Variants in SUPT5H observed in about 807,000 individuals in gnomAD.
SUPT5H encodes the protein SPT5 homolog, DSIF elongation factor subunit.
A neutral mutation model predicts 142.5 loss-of-function variants in SUPT5H; 24 were observed. The ratio of observed to expected loss-of-function variants is 0.17; its 90% CI spans 0.12 to 0.24. SUPT5H has a LOEUF of 0.24. Ranked by LOEUF, SUPT5H falls within the 10% of genes least tolerant of loss-of-function variation. SUPT5H has a pLI of 1.00. For missense variants in SUPT5H, 893 were observed against 1,471.8 expected, an observed-to-expected ratio of 0.61 and a Z score of 6.43; for synonymous variants, 546 against 553.0, an observed-to-expected ratio of 0.99 and a Z score of 0.18.
intron 10 of SUPT5H, among the ~76,000 whole-genome samples, chr19:39,464,153 T>A (rs976315361): frequency 6.6e-6 from 1 of 151,564 alleles, no homozygotes; most frequent in Non-Finnish European, 1.5e-5. Flanking sequence ...CCGGCTAATC[T>A]TGGATATTTT....
In SUPT5H at chr19:39,448,957, G is replaced by A. The variant is rs143744005; in HGVS notation, c.75+2992G>A. On this transcript the variant is annotated intron_variant, in intron 2 of 29. Coordinates refer to ENST00000432763, the MANE Select transcript of SUPT5H (RefSeq NM_001111020.3). Reference sequence around the variant, plus strand: ...AAAAATACAAAAAATTAGCGTGGTGGTGGGTGCCTGTAGTCCCTGCTACTT... The same window carrying A: ...AAAAATACAAAAAATTAGCGTGGTGATGGGTGCCTGTAGTCCCTGCTACTT... 1.5e-4 allele frequency among the ~76,000 whole-genome samples: 19 copies of A among 125,240 alleles called. 4 individuals are homozygous for A. In the East Asian group the frequency reaches 5.5e-3, roughly 36 times the overall value. The allele number at this position is 125,240 out of a possible 152,430, so 82.2% of individuals were successfully genotyped here.
chr19:39,456,155 G>T (rs1363809219), intron 3 of SUPT5H, among the ~76,000 whole-genome samples: 4 of 151,610 alleles, frequency 2.6e-5, no homozygotes, highest in Non-Finnish European at 5.9e-5. Context: ...GACCTCAGGT[G>T]GTCCACCCAT....
chr19:39,456,701 A>T (rs951586192), intron 3 of SUPT5H, among the ~76,000 whole-genome samples: 1 of 152,022 alleles, frequency 6.6e-6, no homozygotes, highest in African/African-American at 2.4e-5. Context: ...TACAGGCATG[A>T]GCCACCGTGC....
chr19:39,472,404 C>A lies in SUPT5H; in HGVS notation c.1951-5C>A. ...CTGCCAGTTCACTCCTTGCTTCTATCCTAGCCCCGTGATGTGACCAACTTC... is the reference window on the plus strand; with the variant it reads ...CTGCCAGTTCACTCCTTGCTTCTATACTAGCCCCGTGATGTGACCAACTTC... On this transcript the variant is annotated splice_region_variant and splice_polypyrimidine_tract_variant and intron_variant, in intron 20 of 29. Transcript: ENST00000432763. The surrounding 1 kb of genome is among the most constrained non-coding windows in gnomAD (Gnocchi z 4.2). 6.2e-7 allele frequency: 1 copy of A among 1,613,998 alleles called. No homozygotes were observed. Among genetic ancestry groups the A allele is most frequent in the Non-Finnish European group, 8.5e-7 (1 of 1,179,932 alleles).
intron 3 of SUPT5H, among the ~76,000 whole-genome samples, chr19:39,455,776 C>CCA (rs1468642946): frequency 2.0e-5 from 3 of 150,826 alleles, no homozygotes; most frequent in Non-Finnish European, 4.4e-5. Context: ...GTGCCTGCCA[C>CCA]TACGCCCAGC....
chr19:39,463,029 G>A (rs1299853920), intron 10 of SUPT5H, among the ~76,000 whole-genome samples: 1 of 56,308 alleles, frequency 1.8e-5, no homozygotes, highest in African/African-American at 6.8e-5. Flanking sequence ...TTTTTTTTTT[G>A]GTATTTTTAG....
Position 39,468,583 on chromosome 19 carries a change from C to T in SUPT5H, c.1038-173C>T, listed in dbSNP as rs536166653. ...TGGAGGAGTGCAGGGAGGTGGGAGG[C>T]GGGCCTTTGGGGTTTGTGAGAAGTC... On this transcript the variant is annotated intron_variant, in intron 13 of 29. Coordinates refer to ENST00000432763, the MANE Select transcript of SUPT5H (RefSeq NM_001111020.3). The T allele has an allele frequency of 9.9e-4, 602 of 608,140 alleles. 1 individual carries two copies. Among genetic ancestry groups the T allele is most frequent in the Non-Finnish European group, 1.5e-3 (509 of 340,266 alleles). The allele number at this position is 608,140 out of a possible 1,614,324, so 37.7% of individuals were successfully genotyped here.
In SUPT5H at chr19:39,472,033, C is replaced by T. The variant is rs1340389478; in HGVS notation, c.1950+303C>T. Among the ~76,000 whole-genome samples the T allele has an allele frequency of 6.6e-6, 1 of 152,162 alleles. No individual in the cohort carries two copies. The highest frequency in any genetic ancestry group is 2.4e-5 in the African/African-American group (1 of 41,430). On this transcript the variant is annotated intron_variant, in intron 20 of 29. Transcript: ENST00000432763. This position sits in a 1 kb window ranked among gnomAD's most constrained non-coding sequence, Gnocchi z 4.2. ...AGCTGATACTCTAGAGGTGGACAGA[C>T]AGATAAACCCATCGTACAGCTTGAG...
chr19:39,458,325 G>T lies in SUPT5H; in HGVS notation c.319+20G>T. 7.3e-7 allele frequency: 1 copy of T among 1,377,842 alleles called. No individual in the cohort carries two copies. The allele number at this position is 1,377,842 out of a possible 1,614,324, so 85.4% of individuals were successfully genotyped here. A position where few individuals can be genotyped will look rare whatever the true frequency, so the allele number is the denominator to read the frequency against. ...TTGAAGGTAAGAATATGAAAAGTGT[G>T]ATTCCCTGACCTTCCTCCCATATCC... On this transcript the variant is annotated intron_variant, in intron 5 of 29. Transcript: ENST00000432763. The surrounding 1 kb of genome is among the most constrained non-coding windows in gnomAD (Gnocchi z 4.2).
chr19:39,456,665 G>T (rs182720529), intron 3 of SUPT5H, among the ~76,000 whole-genome samples: 10 of 151,606 alleles, frequency 6.6e-5, no homozygotes, highest in Non-Finnish European at 1.5e-5. Context: ...TGATCCACCC[G>T]CCTCGGCCTC....
chr19:39,459,672 G>A (rs534847534), intron 9 of SUPT5H, 83 bp downstream of exon 9: 8 of 1,556,428 alleles, frequency 5.1e-6, no homozygotes, highest in East Asian at 4.5e-5. Context: ...TGTCTGTCCC[G>A]GGTCTCCGTG....
rs2079118568 is a variant in SUPT5H, at chr19:39,458,331, C to T, written c.319+26C>T. The T allele has an allele frequency of 1.3e-6, 2 of 1,543,674 alleles. No homozygotes were observed. Among genetic ancestry groups the T allele is most frequent in the Non-Finnish European group, 1.8e-6 (2 of 1,132,028 alleles). On this transcript the variant is annotated intron_variant, in intron 5 of 29. Coordinates refer to ENST00000432763, the MANE Select transcript of SUPT5H (RefSeq NM_001111020.3). This position sits in a 1 kb window ranked among gnomAD's most constrained non-coding sequence, Gnocchi z 4.2. ...GTAAGAATATGAAAAGTGTGATTCC[C>T]TGACCTTCCTCCCATATCCTGACAT... is the stretch of plus-strand genomic sequence containing the variant.
In SUPT5H at chr19:39,473,422, G is replaced by A. The variant is rs2079353367; in HGVS notation, c.2393G>A (p.Arg798His). Residue 798 changes from arginine (R) to histidine (H), a missense_variant, in exon 25 of 30, where the codon CGC (arginine) becomes CAC (histidine). Physicochemically the swap from Arg to His is conservative, Grantham distance 29. This residue lies in a region of SUPT5H where 336 missense variants were observed against 546.5 expected (regional missense o/e 0.61). Coordinates refer to ENST00000432763, the MANE Select transcript of SUPT5H (RefSeq NM_001111020.3). The surrounding 1 kb of genome is among the most constrained non-coding windows in gnomAD (Gnocchi z 5.8). ...GSQTPLQDGS[R>H]TPHYGSQTPL... is the part of the protein sequence containing the mutation. ...CTCATTTCCCCCATTCCAGGTAGCC[G>A]CACCCCACACTACGGCTCACAGACG... 6 of 1,613,170 alleles carry A rather than the reference G, an allele frequency of 3.7e-6. No homozygotes were observed. Among genetic ancestry groups the A allele is most frequent in the Non-Finnish European group, 5.1e-6 (6 of 1,179,826 alleles).
chr19:39,466,547 G>A lies in SUPT5H; in HGVS notation c.944G>A (p.Arg315His), dbSNP rs775396805. 10 of 1,614,114 alleles carry A rather than the reference G, an allele frequency of 6.2e-6. No homozygotes were observed. Among genetic ancestry groups the A allele is most frequent in the South Asian group, 4.4e-5 (4 of 91,082 alleles). The change falls in exon 12 of 30, where the codon CGC (arginine) becomes CAC (histidine). Residue 315 changes from arginine to histidine, a missense_variant. Physicochemically the swap from Arg to His is conservative, Grantham distance 29. This residue lies in a region of SUPT5H where 428 missense variants were observed against 763.5 expected (regional missense o/e 0.56). Coordinates refer to ENST00000432763, the MANE Select transcript of SUPT5H (RefSeq NM_001111020.3). This position sits in a 1 kb window ranked among gnomAD's most constrained non-coding sequence, Gnocchi z 4.3. ...LKMIPRIDYD[R>H]IKARMSLKDW... ...ATGATCCCACGCATCGACTACGATC[G>A]CATCAAGGCCCGCATGAGCTTGGTA...
chr19:39,470,078 C>T lies in SUPT5H; in HGVS notation c.1375-41C>T. On this transcript the variant is annotated intron_variant, in intron 16 of 29. Coordinates refer to ENST00000432763, the MANE Select transcript of SUPT5H (RefSeq NM_001111020.3). The surrounding 1 kb of genome is among the most constrained non-coding windows in gnomAD (Gnocchi z 5.8). ...GGAGGGGCAGGCAGGTTGTGGTGGT[C>T]TCCCTTCACCTGTTTGTTGTCCCCA... The T allele has an allele frequency of 6.3e-7, 1 of 1,586,956 alleles. No individual in the cohort carries two copies. The highest frequency in any genetic ancestry group is 8.6e-7 in the Non-Finnish European group (1 of 1,162,260).
chr19:39,474,736 T>G lies in SUPT5H; in HGVS notation c.3024+18T>G, dbSNP rs773164087. ...GTGTCACGGTACGTGGGGCCCAGGGTGGTGGGTGAGCAGGCATCCTCTCCT... is the reference window on the plus strand; with the variant it reads ...GTGTCACGGTACGTGGGGCCCAGGGGGGTGGGTGAGCAGGCATCCTCTCCT... On this transcript the variant is annotated intron_variant, in intron 28 of 29. Coordinates refer to ENST00000432763, the MANE Select transcript of SUPT5H (RefSeq NM_001111020.3). This position sits in a 1 kb window ranked among gnomAD's most constrained non-coding sequence, Gnocchi z 6.5. 10 of 1,597,334 alleles carry G rather than the reference T, an allele frequency of 6.3e-6. No individual in the cohort carries two copies. The highest frequency in any genetic ancestry group is 2.3e-5 in the East Asian group (1 of 43,720).
In SUPT5H at chr19:39,472,594, A is replaced by T; in HGVS notation, c.2035+101A>T. The T allele has an allele frequency of 6.9e-7, 1 of 1,447,214 alleles. No homozygotes were observed. The highest frequency in any genetic ancestry group is 1.4e-5 in the African/African-American group (1 of 71,578). 89.6% of individuals were successfully genotyped at this position (1,447,214 alleles called of 1,614,324 possible). ...ACTGAGTGCCTGTGCTGGGCTGGGC[A>T]CTGCTATTAGGGGTTCACCACCCAC... On this transcript the variant is annotated intron_variant, in intron 21 of 29. Transcript: ENST00000432763. The surrounding 1 kb of genome is among the most constrained non-coding windows in gnomAD (Gnocchi z 4.2).
chr19:39,475,020 A>G, intron 28 of SUPT5H: 1 of 461,944 alleles, frequency 2.2e-6, no homozygotes, highest in African/African-American at 2.0e-5. Flanking sequence ...GCATGTGCAG[A>G]GGCCTGGAGG....
Position 39,473,981 on chromosome 19 carries a change from G to T in SUPT5H, c.2511G>T (p.Glu837Asp). ...NTPSRAEEEY[E>D]YAFDDEPTPS... ...CCAACAGGGCTGAGGAAGAATATGAGTATGCTTTCGATGATGAGCCCACCC... is the reference window on the plus strand; with the variant it reads ...CCAACAGGGCTGAGGAAGAATATGATTATGCTTTCGATGATGAGCCCACCC... The change falls in exon 26 of 30, where the codon GAG (glutamate) becomes GAT (aspartate). Residue 837 changes from glutamate to aspartate, a missense_variant. By Grantham distance (45) the Glu-to-Asp change is conservative. Transcript: ENST00000432763. This position sits in a 1 kb window ranked among gnomAD's most constrained non-coding sequence, Gnocchi z 5.8. The T allele has an allele frequency of 1.2e-6, 2 of 1,613,896 alleles. No homozygotes were observed. Among genetic ancestry groups the T allele is most frequent in the South Asian group, 2.2e-5 (2 of 91,086 alleles).
Sources: allele counts gnomAD v4.1 joint callset (sites outside exome capture counted in the v4.1 genomes callset), GRCh38; gene constraint gnomAD v4.1.1; regional missense constraint gnomAD v4.1.1; non-coding constraint Gnocchi (gnomAD v3.1); transcripts MANE v1.5; gene names NCBI Gene and HGNC (gene_info 2026-07-23, HGNC 2026-07-21).